Variants in KCNAB1 observed in about 807,000 individuals in gnomAD.
KCNAB1 encodes the protein potassium voltage-gated channel subfamily A regulatory beta subunit 1, also known as voltage-gated potassium channel subunit beta-1.
A neutral mutation model predicts 64.6 loss-of-function variants in KCNAB1; 35 were observed. That is an observed-to-expected ratio of 0.54 (90% CI 0.41 to 0.72). The LOEUF is 0.72. KCNAB1 is among the 30% of genes least tolerant of loss of function. The pLI is 0.00. For synonymous variants in KCNAB1, 177 were observed against 183.8 expected (o/e 0.96, Z 0.30); for missense variants, 401 against 512.9 (o/e 0.78, Z 2.11).
chr3:156,321,729 A>G (rs1722675426), intron 1 of KCNAB1, among the ~76,000 whole-genome samples: 1 of 150,802 alleles, frequency 6.6e-6, no homozygotes, highest in Admixed American at 6.5e-5. Context: ...GTCTCACTCT[A>G]TTTGTAAGCT....
intron 1 of KCNAB1, among the ~76,000 whole-genome samples, chr3:156,327,595 A>G (rs1723050541): frequency 6.6e-6 from 1 of 152,184 alleles, no homozygotes; most frequent in Admixed American, 6.6e-5. Context: ...TAAGTAACTC[A>G]TGGCCCTATC....
intron 1 of KCNAB1, chr3:156,143,545 G>A: frequency 1.9e-6 from 1 of 525,310 alleles, no homozygotes; most frequent in Non-Finnish European, 3.1e-6. Flanking sequence ...AATGCAGTGA[G>A]CCCTCTTCTT....
At chr3:156,473,835 G>A (rs1471960487) in intron 7 of KCNAB1, among the ~76,000 whole-genome samples, 4 of 152,140 alleles carry the variant, frequency 2.6e-5, no homozygotes, top group African/African-American at 7.2e-5. Context: ...GCTGATAAGA[G>A]AATGCTAAAT....
chr3:156,217,754 C>T (rs1200808327), intron 1 of KCNAB1, among the ~76,000 whole-genome samples: 1 of 152,218 alleles, frequency 6.6e-6, no homozygotes, highest in Non-Finnish European at 1.5e-5. Context: ...TATGGTGTCT[C>T]TGGAAACAAG....
chr3:156,197,703 T>C (rs7634784), intron 1 of KCNAB1, among the ~76,000 whole-genome samples: 3,384 of 152,280 alleles, frequency 0.022, 152 homozygotes, highest in African/African-American at 0.077. Context: ...TCTTTATTAG[T>C]CTGGCTAGTG....
intron 1 of KCNAB1, among the ~76,000 whole-genome samples, chr3:156,414,186 T>G (rs772188149): frequency 2.0e-5 from 3 of 152,216 alleles, no homozygotes; most frequent in Non-Finnish European, 1.5e-5. Flanking sequence ...ACCTCAGATT[T>G]TTTTTGTTTT....
chr3:156,473,112 T>G (rs574828152), intron 7 of KCNAB1, among the ~76,000 whole-genome samples: 60 of 152,256 alleles, frequency 3.9e-4, no homozygotes, highest in African/African-American at 1.4e-3. Context: ...TAGTGAAAAT[T>G]TTTGGCATTT....
chr3:156,364,314 G>T (rs1438803910), intron 1 of KCNAB1, among the ~76,000 whole-genome samples: 1 of 152,198 alleles, frequency 6.6e-6, no homozygotes. Flanking sequence ...TTCTAGTTAA[G>T]ATCAGTCCAT....
rs61017269 is a variant in KCNAB1, at chr3:156,395,544, C to CAAAAAAAAAAAAAAAAAAAA, written c.276-26050_276-26031dup. ...TGGGCGACAGAGCGAGACTCCGTCTCAAAAAAAAAAAAAAAAAAAAAAAAA... is the reference window on the plus strand; with the variant it reads ...TGGGCGACAGAGCGAGACTCCGTCTCAAAAAAAAAAAAAAAAAAAAAAAAAAAAAAAAAAAAAAAAAAAAA... On this transcript the variant is annotated intron_variant, in intron 1 of 13. Coordinates refer to ENST00000490337, the MANE Select transcript of KCNAB1 (RefSeq NM_172160.3). Among the ~76,000 whole-genome samples the CAAAAAAAAAAAAAAAAAAAA allele has an allele frequency of 1.2e-4, 3 of 25,462 alleles. 1 individual carries two copies. The highest frequency in any genetic ancestry group is 3.3e-4 in the Non-Finnish European group (3 of 8,984). 16.7% of individuals were successfully genotyped at this position (25,462 alleles called of 152,430 possible). A position where few individuals can be genotyped will look rare whatever the true frequency, so the allele number is the denominator to read the frequency against.
At chr3:156,135,709 A>T (rs1045065016) in intron 1 of KCNAB1, among the ~76,000 whole-genome samples, 5 of 152,164 alleles carry the variant, frequency 3.3e-5, no homozygotes, top group African/African-American at 1.2e-4. Flanking sequence ...TGTAGTTGAG[A>T]TTTACTTTTC....
intron 12 of KCNAB1, 66 bp from the exon 13 acceptor site, chr3:156,531,343 G>T (rs996782877): frequency 8.7e-7 from 1 of 1,143,432 alleles, no homozygotes; most frequent in African/African-American, 1.5e-5. Flanking sequence ...GCTGTAGCAG[G>T]TGTTTATAAG....
intron 1 of KCNAB1, among the ~76,000 whole-genome samples, chr3:156,265,708 T>C (rs1467097631): frequency 6.6e-6 from 1 of 152,182 alleles, no homozygotes; most frequent in Non-Finnish European, 1.5e-5. Flanking sequence ...CTCTAAAACC[T>C]GTGAGGCCGG....
rs566080944 is a variant in KCNAB1, at chr3:156,120,876, A to G, written c.265A>G (p.Met89Val). Reference sequence around the variant, plus strand: ...GCACACCACCGTCTGCACCACAGGCATGCCGCACAGGTAAGCTGCCCCTGC... The same window carrying G: ...GCACACCACCGTCTGCACCACAGGCGTGCCGCACAGGTAAGCTGCCCCTGC... Reference protein sequence around the residue: ...SEHTTVCTTGMPHRNLGKSGL... With the variant: ...SEHTTVCTTGVPHRNLGKSGL... The change falls in exon 1 of 14, where the codon ATG (methionine) becomes GTG (valine). Residue 89 changes from methionine to valine, a missense_variant. Met to Val is a conservative substitution (Grantham distance 21). Coordinates refer to ENST00000490337, the MANE Select transcript of KCNAB1 (RefSeq NM_172160.3). The G allele has an allele frequency of 6.2e-7, 1 of 1,614,004 alleles. No individual in the cohort carries two copies. The highest frequency in any genetic ancestry group is 2.2e-5 in the East Asian group (1 of 44,872).
intron 1 of KCNAB1, among the ~76,000 whole-genome samples, chr3:156,237,961 G>C (rs1486811127): frequency 6.6e-6 from 1 of 152,096 alleles, no homozygotes; most frequent in Non-Finnish European, 1.5e-5. Context: ...TGCTAGCCCA[G>C]AGTAGGGGTT....
At chr3:156,476,125 G>A (rs190811790) in intron 8 of KCNAB1, among the ~76,000 whole-genome samples, 8 of 152,004 alleles carry the variant, frequency 5.3e-5, no homozygotes, top group Non-Finnish European at 1.2e-4. Context: ...ATAATATGAC[G>A]TTATTCAACT....
At chr3:156,165,193 G>A (rs180769131) in intron 1 of KCNAB1, among the ~76,000 whole-genome samples, 4,616 of 148,730 alleles carry the variant, frequency 0.031, 109 homozygotes, top group Non-Finnish European at 0.048. Flanking sequence ...CAGGAGAATG[G>A]CGTGAACCCG....
Position 156,219,651 on chromosome 3 carries a change from T to C in KCNAB1, c.275+98765T>C, listed in dbSNP as rs150501086. Among the ~76,000 whole-genome samples, 15 of 151,950 alleles carry C rather than the reference T, an allele frequency of 9.9e-5. No individual in the cohort carries two copies. The East Asian group carries it at 2.5e-3, about 25-fold the overall frequency. On this transcript the variant is annotated intron_variant, in intron 1 of 13. Coordinates refer to ENST00000490337, the MANE Select transcript of KCNAB1 (RefSeq NM_172160.3). The stretch of plus-strand genomic sequence containing the variant: ...ACAAAAATGTCATCACCTGGGCACA[T>C]AGTCCTCAGGTTATCTAAAGTCAAA...
chr3:156,156,667 G>A (rs1463248032), intron 1 of KCNAB1, among the ~76,000 whole-genome samples: 1 of 152,156 alleles, frequency 6.6e-6, no homozygotes, highest in African/African-American at 2.4e-5. Context: ...CCTTAAATTA[G>A]ATGAGAAAGA....
upstream of KCNAB1, chr3:156,120,407 A>G (rs767095714): frequency 2.4e-5 from 15 of 634,648 alleles, no homozygotes; most frequent in Non-Finnish European, 3.9e-5. Context: ...TACCACAGGT[A>G]TTGGCCAGCT....
Sources: allele counts gnomAD v4.1 joint callset (sites outside exome capture counted in the v4.1 genomes callset), GRCh38; gene constraint gnomAD v4.1.1; transcripts MANE v1.5; gene names NCBI Gene and HGNC (gene_info 2026-07-23, HGNC 2026-07-21).